The following ITGB1 variants were observed in gnomAD, a reference collection of about 807,000 sequenced individuals.
ITGB1 encodes the protein integrin subunit beta 1.
In ITGB1, 24 loss-of-function variants were observed where a neutral mutation model predicts 86.5. The ratio of observed to expected loss-of-function variants is 0.28; its 90% CI spans 0.20 to 0.39. The LOEUF (loss-of-function observed/expected upper bound fraction) is 0.39, where lower values mean the gene tolerates loss of function less well. Ranked by LOEUF, ITGB1 falls within the 10% of genes least tolerant of loss-of-function variation. The pLI, the probability that ITGB1 is intolerant of heterozygous loss-of-function variation, is 1.00. For synonymous variants in ITGB1, 323 were observed against 316.8 expected, an observed-to-expected ratio of 1.02 and a Z score of -0.21; for missense variants, 556 against 946.9, an observed-to-expected ratio of 0.59 and a Z score of 5.42.
chr10:32,923,813 T>G, intron 6 of ITGB1, 73 bp from the exon 7 acceptor site: 1 of 1,197,458 alleles, frequency 8.4e-7, no homozygotes, highest in South Asian at 1.5e-5. Flanking sequence ...AATTTTCATA[T>G]AGGCCACCAT....
Position 32,920,018 on chromosome 10 carries a change from T to G in ITGB1, c.1336A>C (p.Arg446=), listed in dbSNP as rs746356744. Residue 446 remains arginine (R), a synonymous_variant, in exon 11 of 16, where the codon AGG becomes CGG. Transcript: ENST00000302278. ...PKKDSDSFKI[R]PLGFTEEVEV... ...ACTTCCTCCGTAAAGCCCAGAGGCC[T>G]AATTTTAAAGCTGTCAGAATCCTTT... The G allele has an allele frequency of 6.2e-7, 1 of 1,614,070 alleles. No homozygotes were observed. Among genetic ancestry groups the G allele is most frequent in the South Asian group, 1.1e-5 (1 of 91,076 alleles).
intron 1 of ITGB1, among the ~76,000 whole-genome samples, chr10:32,955,019 T>C (rs1204756052): frequency 1.3e-5 from 2 of 152,114 alleles, no homozygotes; most frequent in Non-Finnish European, 2.9e-5. Context: ...GACAGACATA[T>C]TGGAAGGCTG....
intron 1 of ITGB1, among the ~76,000 whole-genome samples, chr10:32,949,787 T>G: frequency 6.6e-6 from 1 of 152,330 alleles, no homozygotes; most frequent in East Asian, 1.9e-4. Context: ...ATGTTCAAAC[T>G]TTTAAATACA....
chr10:32,908,306 G>A, intron 15 of ITGB1, 62 bp downstream of exon 15: 1 of 1,436,422 alleles, frequency 7.0e-7, no homozygotes, highest in Non-Finnish European at 9.8e-7. Context: ...TAATACATAA[G>A]TCTTAGGAGT....
At chr10:32,954,238 G>A (rs2095048183) in intron 1 of ITGB1, among the ~76,000 whole-genome samples, 1 of 151,626 alleles carries the variant, frequency 6.6e-6, no homozygotes, top group African/African-American at 2.4e-5. Flanking sequence ...GCCTCATAAG[G>A]TCATCATTTC....
chr10:32,910,264 T>C lies in ITGB1; in HGVS notation c.2123A>G (p.Asn708Ser), dbSNP rs765119067. ...ATGAACCATGACCTCGTTGTTCCCA[T>C]TCACTGAATACGTAAAATAGAACCA... ...DCWFYFTYSVNGNNEVMVHVV... is the reference protein window; with the variant it reads ...DCWFYFTYSVSGNNEVMVHVV... The change falls in exon 14 of 16, where the codon AAT becomes AGT. Residue 708 changes from asparagine to serine, a missense_variant. Transcript: ENST00000302278. The C allele has an allele frequency of 1.2e-6, 2 of 1,608,598 alleles. No homozygotes were observed. Among genetic ancestry groups the C allele is most frequent in the Non-Finnish European group, 1.7e-6 (2 of 1,175,760 alleles).
At chr10:32,905,044 A>T (rs1320247209) in intron 15 of ITGB1, among the ~76,000 whole-genome samples, 2 of 33,826 alleles carry the variant, frequency 5.9e-5, no homozygotes, top group Non-Finnish European at 4.6e-4. Context: ...AATATGTATT[A>T]AAAAAAAAAA....
At chr10:32,935,096 G>A (rs900995378) in intron 2 of ITGB1, among the ~76,000 whole-genome samples, 1 of 152,188 alleles carries the variant, frequency 6.6e-6, no homozygotes, top group Non-Finnish European at 1.5e-5. Flanking sequence ...TTATCAAAGA[G>A]TGAGAATGTC....
chr10:32,952,184 A>G (rs1309740820), intron 1 of ITGB1, among the ~76,000 whole-genome samples: 2 of 152,182 alleles, frequency 1.3e-5, no homozygotes, highest in Admixed American at 6.5e-5. Context: ...TATGATCATT[A>G]TATGAAAGCT....
At chr10:32,942,106 G>A (rs761578052) in intron 1 of ITGB1, among the ~76,000 whole-genome samples, 1 of 152,156 alleles carries the variant, frequency 6.6e-6, no homozygotes, top group Non-Finnish European at 1.5e-5. Flanking sequence ...CAAACTTGAA[G>A]AGGTGAAGAC....
chr10:32,932,572 G>C lies in ITGB1; in HGVS notation c.96C>G (p.Ala32=). 6.2e-7 allele frequency: 1 copy of C among 1,608,154 alleles called. No individual in the cohort carries two copies. Among genetic ancestry groups the C allele is most frequent in the South Asian group, 1.1e-5 (1 of 90,944 alleles). Residue 32 remains alanine (A), a synonymous_variant, in exon 3 of 16, where the codon GCC becomes GCG. Transcript: ENST00000302278. ...CTTGTATACATTCTCCACATGATTT[G>C]GCATTTGCTTTTAAACATCTATTTT... ...TDENRCLKAN[A]KSCGECIQAG...
Position 32,941,060 on chromosome 10 carries a change from G to T in ITGB1, c.1-5502C>A, listed in dbSNP as rs1428912174. ...GCACTGAGGACACTGAAATCTGCCT[G>T]GACAAGTTCAGAGGCATCAGGCACA... On this transcript the variant is annotated intron_variant, in intron 1 of 15. Transcript: ENST00000302278. Among the ~76,000 whole-genome samples the T allele has an allele frequency of 2.0e-5, 3 of 152,280 alleles. No homozygotes were observed. In the East Asian group the frequency reaches 5.8e-4, roughly 29 times the overall value.
At chr10:32,909,134 T>C (rs2094905620) in intron 14 of ITGB1, among the ~76,000 whole-genome samples, 1 of 152,096 alleles carries the variant, frequency 6.6e-6, no homozygotes, top group Non-Finnish European at 1.5e-5. Flanking sequence ...GGCCTAGCTA[T>C]AAAGAAAGCT....
At chr10:32,919,254 T>G (rs538258873) in intron 11 of ITGB1, among the ~76,000 whole-genome samples, 1 of 152,340 alleles carries the variant, frequency 6.6e-6, no homozygotes, top group African/African-American at 2.4e-5. Flanking sequence ...CCTATTCTTT[T>G]ACAGAGAAAG....
chr10:32,940,206 G>A (rs1362760595), intron 1 of ITGB1, among the ~76,000 whole-genome samples: 1 of 152,050 alleles, frequency 6.6e-6, no homozygotes, highest in East Asian at 1.9e-4. Context: ...TTAGCTTGGC[G>A]TGGTGGTGCG....
At chr10:32,933,535 C>G (rs188130915) in intron 2 of ITGB1, 1 of 152,284 alleles carries the variant, frequency 6.6e-6, no homozygotes, top group Non-Finnish European at 1.5e-5. Context: ...CTGTCTCCAA[C>G]GTATCTTTTC....
At chr10:32,926,186 A>T (rs1303886280) in intron 5 of ITGB1, 77 bp from the exon 6 acceptor site, 2 of 1,112,716 alleles carry the variant, frequency 1.8e-6, no homozygotes, top group Non-Finnish European at 2.7e-6. Context: ...TTGTTTAAAA[A>T]ATTCATCTAT....
intron 11 of ITGB1, among the ~76,000 whole-genome samples, 155 bp downstream of exon 11, chr10:32,919,730 C>A (rs1001195655): frequency 6.6e-6 from 1 of 152,118 alleles, no homozygotes; most frequent in Non-Finnish European, 1.5e-5. Context: ...ATATCACACA[C>A]AAGATCATCA....
At chr10:32,943,136 A>G (rs1251280049) in intron 1 of ITGB1, among the ~76,000 whole-genome samples, 2 of 152,238 alleles carry the variant, frequency 1.3e-5, no homozygotes, top group African/African-American at 4.8e-5. Flanking sequence ...CTCTAAACAG[A>G]AAAGTGTTAC....
Sources: gnomAD v4.1 joint callset for allele counts (sites outside exome capture counted in the v4.1 genomes callset) on GRCh38, gnomAD v4.1.1 for gene constraint, MANE v1.5 for transcripts, NCBI Gene and HGNC (gene_info 2026-07-23, HGNC 2026-07-21) for gene names.